The following L3MBTL3 variants were observed in gnomAD, a reference collection of about 807,000 sequenced individuals.
L3MBTL3 encodes lethal(3)malignant brain tumor-like protein 3.
In L3MBTL3, 27 loss-of-function variants were observed where a neutral mutation model predicts 102.3. The ratio of observed to expected loss-of-function variants is 0.26; its 90% confidence interval spans 0.19 to 0.36. L3MBTL3 has a LOEUF of 0.36. Ranked by LOEUF, L3MBTL3 falls within the 10% of genes least tolerant of loss-of-function variation. The pLI is 1.00. For synonymous variants in L3MBTL3, 340 were observed against 320.9 expected, an observed-to-expected ratio of 1.06 and a Z score of -0.64; for missense variants, 798 against 955.3, an observed-to-expected ratio of 0.84 and a Z score of 2.17.
At chr6:130,022,952 T>G (rs1779104570) in intron 2 of L3MBTL3, among the ~76,000 whole-genome samples, 1 of 152,230 alleles carries the variant, frequency 6.6e-6, no homozygotes, top group African/African-American at 2.4e-5. Flanking sequence ...ATACTCCAGG[T>G]CCTTCTTTTA....
intron 19 of L3MBTL3, among the ~76,000 whole-genome samples, chr6:130,118,193 T>C (rs1184161232): frequency 6.6e-6 from 1 of 152,184 alleles, no homozygotes; most frequent in Non-Finnish European, 1.5e-5. Flanking sequence ...AAAAGACGAT[T>C]GAATCCAATT....
intron 13 of L3MBTL3, among the ~76,000 whole-genome samples, chr6:130,076,958 A>G (rs570741878): frequency 6.6e-6 from 1 of 152,282 alleles, no homozygotes; most frequent in African/African-American, 2.4e-5. Flanking sequence ...AATGACCATT[A>G]AGAGACCACA....
At chr6:130,104,849 T>C (rs1784893921) in intron 19 of L3MBTL3, among the ~76,000 whole-genome samples, 1 of 152,102 alleles carries the variant, frequency 6.6e-6, no homozygotes, top group Admixed American at 6.6e-5. Context: ...ATTTGGAAAT[T>C]CCAGTCATTT....
chr6:130,122,481 A>G (rs1786296588), intron 20 of L3MBTL3, among the ~76,000 whole-genome samples: 1 of 152,158 alleles, frequency 6.6e-6, no homozygotes, highest in African/African-American at 2.4e-5. Context: ...CTGTTTCTTT[A>G]TCTGTCTATC....
intron 16 of L3MBTL3, among the ~76,000 whole-genome samples, chr6:130,091,158 T>C (rs1214456874): frequency 6.6e-6 from 1 of 152,178 alleles, no homozygotes; most frequent in African/African-American, 2.4e-5. Context: ...CTTTTACTGC[T>C]TTTGAGTTTG....
rs549145460 is a variant in L3MBTL3 at position 130,073,196 on chromosome 6, C to T, written c.1244+2069C>T. ...GCCAAGGTGGGAGATCACTTGAACC[C>T]AGGAGTTTGAGACCAGCCTGGTCAA... is the stretch of plus-strand genomic sequence containing the variant. On this transcript the variant is annotated intron_variant, in intron 13 of 22. Coordinates refer to ENST00000361794, the MANE Select transcript of L3MBTL3 (RefSeq NM_032438.4). 5.3e-5 allele frequency among the ~76,000 whole-genome samples: 8 copies of T among 152,252 alleles called. No homozygotes were observed. In the South Asian group the frequency reaches 1.7e-3, roughly 32 times the overall value.
At chr6:130,080,598 C>A (rs1394696674) in intron 14 of L3MBTL3, among the ~76,000 whole-genome samples, 3 of 152,086 alleles carry the variant, frequency 2.0e-5, no homozygotes, top group Non-Finnish European at 4.4e-5. Context: ...TTGCCGACTT[C>A]TTAACATGAG....
rs1781074560 is a variant in L3MBTL3, at chr6:130,051,266, G to GGGA, written c.308_310dup (p.Gly103_Met104insArg). 1.9e-6 allele frequency: 3 copies of GGGA among 1,613,252 alleles called. No homozygotes were observed. In the African/African-American group the frequency reaches 4.0e-5, roughly 22 times the overall value. On this transcript the variant is annotated inframe_insertion, in exon 6 of 23. Coordinates refer to ENST00000361794, the MANE Select transcript of L3MBTL3 (RefSeq NM_032438.4). ...TCTTCTAGTCTTTTCAGAGAAGACT[G>GGGA]GGATGCCTTTCAGGTTGAAGGATCC...
At chr6:130,038,325 T>G (rs1199175226) in intron 2 of L3MBTL3, among the ~76,000 whole-genome samples, 4 of 152,074 alleles carry the variant, frequency 2.6e-5, no homozygotes, top group Non-Finnish European at 4.4e-5. Context: ...CTATCTTTAA[T>G]TTTTTTGAGG....
At chr6:130,110,754 C>T (rs969529335) in intron 19 of L3MBTL3, among the ~76,000 whole-genome samples, 3 of 152,226 alleles carry the variant, frequency 2.0e-5, no homozygotes, top group African/African-American at 7.2e-5. Context: ...TGAGAGAGGG[C>T]ATCCTTGTCT....
intron 13 of L3MBTL3, among the ~76,000 whole-genome samples, chr6:130,074,480 A>G (rs916641311): frequency 9.2e-5 from 14 of 152,186 alleles, no homozygotes; most frequent in African/African-American, 3.4e-4. Context: ...TTGCCACTAG[A>G]AAGAACTTTA....
At chr6:130,021,545 C>A (rs1779017243) in intron 1 of L3MBTL3, among the ~76,000 whole-genome samples, 1 of 152,166 alleles carries the variant, frequency 6.6e-6, no homozygotes. Flanking sequence ...TACCTCTGAT[C>A]AATTTTTAAT....
At chr6:130,077,517 T>A (rs1382754757) in intron 13 of L3MBTL3, among the ~76,000 whole-genome samples, 4 of 152,208 alleles carry the variant, frequency 2.6e-5, no homozygotes, top group Non-Finnish European at 5.9e-5. Context: ...TCTACTGAAG[T>A]AAGTTCTGAG....
chr6:130,086,290 A>G (rs1783683516), intron 16 of L3MBTL3, 40 bp downstream of exon 16: 1 of 1,353,048 alleles, frequency 7.4e-7, no homozygotes, highest in Non-Finnish European at 1.0e-6. Context: ...GTCTTTTGTT[A>G]TAAGATGTTT....
chr6:130,038,903 A>G (rs1780231557), intron 2 of L3MBTL3, among the ~76,000 whole-genome samples: 1 of 152,168 alleles, frequency 6.6e-6, no homozygotes, highest in African/African-American at 2.4e-5. Flanking sequence ...TATGTCTAAT[A>G]TTTGATGTTT....
At position 130,139,846 on chromosome 6, in the gene L3MBTL3, C is replaced by A; in HGVS notation, c.*93C>A. 1 of 1,143,624 alleles carries A rather than the reference C, an allele frequency of 8.7e-7. No homozygotes were observed. Among genetic ancestry groups the A allele is most frequent in the Non-Finnish European group, 1.3e-6 (1 of 791,324 alleles). 70.8% of individuals were successfully genotyped at this position (1,143,624 alleles called of 1,614,324 possible). ...CGGTTATAACTCCTAAGTGAGAAGT[C>A]TCCAAAACTCAAAAGAGCAACACTA... On this transcript the variant is annotated 3_prime_UTR_variant, in exon 23 of 23. Transcript: ENST00000361794.
At chr6:130,086,064 CT>C in intron 15 of L3MBTL3, 75 bp from the exon 16 acceptor site, 1 of 1,029,858 alleles carries the variant, frequency 9.7e-7, no homozygotes. Context: ...GCTTTTTCTT[CT>C]TCTTCTTCTT....
chr6:130,042,808 C>A lies in L3MBTL3; in HGVS notation c.102+7C>A. 16 of 1,565,092 alleles carry A rather than the reference C, an allele frequency of 1.0e-5. No individual in the cohort carries two copies. The highest frequency in any genetic ancestry group is 1.4e-5 in the Non-Finnish European group (16 of 1,135,470). On this transcript the variant is annotated splice_region_variant and intron_variant, in intron 3 of 22. Transcript: ENST00000361794. Reference sequence around the variant, plus strand: ...ACCAGGAAGTGACTTAAAGGTAAACCCTCTTTATTACATACAATTATGTGT... The same window carrying A: ...ACCAGGAAGTGACTTAAAGGTAAACACTCTTTATTACATACAATTATGTGT...
intron 19 of L3MBTL3, among the ~76,000 whole-genome samples, chr6:130,108,220 G>GTTTGTTT (rs1785104150): frequency 1.7e-5 from 2 of 118,706 alleles, no homozygotes; most frequent in Non-Finnish European, 1.8e-5. Context: ...ATGTTAGGTG[G>GTTTGTTT]TTTTTTTTTT....
Sources: gnomAD v4.1 joint callset for allele counts (sites outside exome capture counted in the v4.1 genomes callset) on GRCh38, gnomAD v4.1.1 for gene constraint, MANE v1.5 for transcripts, NCBI Gene and HGNC (gene_info 2026-07-23, HGNC 2026-07-21) for gene names.